TRHDE: variants seen among roughly 807,000 people sequenced by gnomAD.
TRHDE encodes the protein thyrotropin-releasing hormone-degrading ectoenzyme.
In TRHDE, 72 loss-of-function variants were observed where a neutral mutation model predicts 125.7. The ratio of observed to expected loss-of-function variants is 0.57; its 90% confidence interval spans 0.47 to 0.70. The LOEUF (loss-of-function observed/expected upper bound fraction) is 0.70. TRHDE is among the 30% of genes least tolerant of loss of function. TRHDE has a pLI of 0.00. For synonymous variants in TRHDE, 509 were observed against 509.1 expected (o/e 1.00, Z 0.00); for missense variants, 1,110 against 1,327.1 (o/e 0.84, Z 2.54).
chr12:72,291,555 A>G (rs978232243), intron 2 of TRHDE, among the ~76,000 whole-genome samples: 1 of 152,238 alleles, frequency 6.6e-6, no homozygotes, highest in Non-Finnish European at 1.5e-5. Context: ...GCACATATCC[A>G]TGAGTTCTAC....
In TRHDE at chr12:72,670,258, G is replaced by A. The variant is rs954363558; in HGVS notation, c.*7063G>A. ...GCAGTGACCAAATAAATAACCTTTTGTTAGTTTAGCAGATAAATGTTTTCA... is the reference window on the plus strand; with the variant it reads ...GCAGTGACCAAATAAATAACCTTTTATTAGTTTAGCAGATAAATGTTTTCA... On this transcript the variant is annotated 3_prime_UTR_variant, in exon 19 of 19. Coordinates refer to ENST00000261180, the MANE Select transcript of TRHDE (RefSeq NM_013381.3). 6.6e-6 allele frequency: 1 copy of A among 151,700 alleles called. No homozygotes were observed. The highest frequency in any genetic ancestry group is 6.6e-5 in the Admixed American group (1 of 15,192). 9.4% of individuals were successfully genotyped at this position (151,700 alleles called of 1,614,324 possible).
At chr12:72,562,255 CA>C in intron 8 of TRHDE, 25 bp downstream of exon 8, 1 of 1,288,010 alleles carries the variant, frequency 7.8e-7, no homozygotes, top group Non-Finnish European at 1.1e-6. Flanking sequence ...GCTTAAATAT[CA>C]AAACCTCTAC....
At chr12:72,466,921 C>T (rs1321130427) in intron 3 of TRHDE, among the ~76,000 whole-genome samples, 2 of 152,168 alleles carry the variant, frequency 1.3e-5, no homozygotes, top group African/African-American at 4.8e-5. Flanking sequence ...TGACGTCCTG[C>T]ACACGCTCAC....
intron 15 of TRHDE, among the ~76,000 whole-genome samples, chr12:72,626,565 AG>A (rs1013797978): frequency 2.0e-5 from 3 of 151,940 alleles, no homozygotes; most frequent in Admixed American, 6.6e-5. Flanking sequence ...TAGGAGCAGG[AG>A]GACATTTGCC....
rs535662421 is a variant in TRHDE, at chr12:72,457,350, GTTC to G, written c.1316-12402_1316-12400del. Among the ~76,000 whole-genome samples, 11 of 152,050 alleles carry G rather than the reference GTTC, an allele frequency of 7.2e-5. No individual in the cohort carries two copies. The East Asian group carries it at 1.2e-3, about 16-fold the overall frequency. ...TAATTGTGCTGTTTTTAAATTATCT[GTTC>G]TTCTTTTTTCTCTCTGCCCTCATTA... On this transcript the variant is annotated intron_variant, in intron 3 of 18. Coordinates refer to ENST00000261180, the MANE Select transcript of TRHDE (RefSeq NM_013381.3).
intron 2 of TRHDE, among the ~76,000 whole-genome samples, chr12:72,150,006 C>T (rs774066634): frequency 6.6e-6 from 1 of 152,118 alleles, no homozygotes; most frequent in African/African-American, 2.4e-5. Context: ...ATATGTACCA[C>T]TAATTAATGC....
intron 5 of TRHDE, among the ~76,000 whole-genome samples, chr12:72,478,189 T>A (rs1306196986): frequency 2.6e-5 from 4 of 152,180 alleles, no homozygotes; most frequent in African/African-American, 9.6e-5. Context: ...AAATGACTGA[T>A]ACCCAGTGAA....
chr12:72,601,547 G>A (rs962978535), intron 12 of TRHDE, among the ~76,000 whole-genome samples: 17 of 152,068 alleles, frequency 1.1e-4, no homozygotes, highest in South Asian at 2.1e-4. Context: ...ATCAAACAAC[G>A]TCTTATGCTA....
chr12:72,513,932 A>G (rs2135951777), intron 6 of TRHDE, among the ~76,000 whole-genome samples: 1 of 152,246 alleles, frequency 6.6e-6, no homozygotes, highest in South Asian at 2.1e-4. Context: ...CAAAGAAATT[A>G]CCTGTTCCAA....
At chr12:72,377,520 GAA>G (rs1481874348) in intron 2 of TRHDE, among the ~76,000 whole-genome samples, 1 of 151,704 alleles carries the variant, frequency 6.6e-6, no homozygotes, top group Non-Finnish European at 1.5e-5. Flanking sequence ...TGATTCCAAA[GAA>G]AAAAAGGAAG....
chr12:72,112,522 AC>A (rs1231934846), intron 2 of TRHDE, among the ~76,000 whole-genome samples: 1 of 152,208 alleles, frequency 6.6e-6, no homozygotes, highest in Non-Finnish European at 1.5e-5. Context: ...CACAGTAGGT[AC>A]CACCTATTAA....
At chr12:72,331,938 A>G (rs1869617273) in intron 2 of TRHDE, among the ~76,000 whole-genome samples, 1 of 152,204 alleles carries the variant, frequency 6.6e-6, no homozygotes, top group Admixed American at 6.5e-5. Flanking sequence ...TGCTATAAAG[A>G]CATACCAGAG....
chr12:72,543,816 A>ATTT lies in TRHDE; in HGVS notation c.1788+1462_1788+1463insTTT, dbSNP rs1165581184. On this transcript the variant is annotated intron_variant, in intron 7 of 18. Transcript: ENST00000261180. ...GGAAAGGATTATTATTATTATTATTATTATTATTATTATTATGAACGTTTT... is the reference window on the plus strand; with the variant it reads ...GGAAAGGATTATTATTATTATTATTATTTTTATTATTATTATTATGAACGTTTT... Among the ~76,000 whole-genome samples the ATTT allele has an allele frequency of 5.4e-5, 8 of 147,486 alleles. No homozygotes were observed. In the South Asian group the frequency reaches 1.5e-3, roughly 27 times the overall value.
intron 15 of TRHDE, among the ~76,000 whole-genome samples, chr12:72,636,853 C>A (rs1364954729): frequency 1.3e-5 from 2 of 151,908 alleles, no homozygotes; most frequent in African/African-American, 4.8e-5. Context: ...AGGGATGAAG[C>A]CCACTTGATC....
intron 18 of TRHDE, among the ~76,000 whole-genome samples, chr12:72,661,156 C>G (rs1180669859): frequency 6.6e-6 from 1 of 152,172 alleles, no homozygotes; most frequent in African/African-American, 2.4e-5. Context: ...AGAGACCCAC[C>G]AGTTCACATT....
At chr12:72,592,049 G>A (rs1393422873) in intron 12 of TRHDE, among the ~76,000 whole-genome samples, 8 of 151,486 alleles carry the variant, frequency 5.3e-5, no homozygotes, top group Admixed American at 1.3e-4. Context: ...AAAAAAGCTT[G>A]GCTTTTAATT....
chr12:72,569,707 A>G (rs532648138), intron 10 of TRHDE, among the ~76,000 whole-genome samples: 4 of 152,352 alleles, frequency 2.6e-5, no homozygotes, highest in South Asian at 2.1e-4. Context: ...ACATAAAGAC[A>G]TACGACGAAA....
rs1875185735 is a variant in TRHDE, at chr12:72,668,986, T to C, written c.*5791T>C. 6.6e-6 allele frequency: 1 copy of C among 151,814 alleles called. No individual in the cohort carries two copies. Among genetic ancestry groups the C allele is most frequent in the Non-Finnish European group, 1.5e-5 (1 of 67,838 alleles). The allele number at this position is 151,814 out of a possible 1,614,324, so 9.4% of individuals were successfully genotyped here. On this transcript the variant is annotated 3_prime_UTR_variant, in exon 19 of 19. Coordinates refer to ENST00000261180, the MANE Select transcript of TRHDE (RefSeq NM_013381.3). ...AGAAGTATTAATTTGTGCATTCTGG[T>C]TTACCATTCATTTCTTAACAAAGTT...
At chr12:72,290,390 T>C (rs1880041942) in intron 2 of TRHDE, among the ~76,000 whole-genome samples, 2 of 152,244 alleles carry the variant, frequency 1.3e-5, no homozygotes, top group Non-Finnish European at 2.9e-5. Flanking sequence ...CTCTTTTTAT[T>C]CTGATTTTCT....
Sources: gnomAD v4.1 joint callset for allele counts (sites outside exome capture counted in the v4.1 genomes callset) on GRCh38, gnomAD v4.1.1 for gene constraint, MANE v1.5 for transcripts, NCBI Gene and HGNC (gene_info 2026-07-23, HGNC 2026-07-21) for gene names.